TENM2: variants seen among roughly 807,000 people sequenced by gnomAD.
TENM2 encodes teneurin transmembrane protein 2.
A neutral mutation model predicts 245.2 loss-of-function variants in TENM2; 52 were observed. The ratio of observed to expected loss-of-function variants is 0.21; its 90% CI spans 0.17 to 0.27. The LOEUF (loss-of-function observed/expected upper bound fraction) is 0.27. Ranked by LOEUF, TENM2 falls within the 10% of genes least tolerant of loss-of-function variation. The pLI is 1.00. For missense variants in TENM2, 3,046 were observed against 3,666.8 expected (o/e 0.83, Z 4.37); for synonymous variants, 1,363 against 1,438.9 (o/e 0.95, Z 1.19).
the TENM2 span, among the ~76,000 whole-genome samples, chr5:167,175,774 A>G: frequency 1.3e-5 from 2 of 152,076 alleles, no homozygotes; most frequent in African/African-American, 4.8e-5. Context: ...GCTGCATGCA[A>G]TCTCGGCTCA....
chr5:167,539,918 T>G (rs1772090336), intron 2 of TENM2, among the ~76,000 whole-genome samples: 1 of 152,214 alleles, frequency 6.6e-6, no homozygotes, highest in African/African-American at 2.4e-5. Flanking sequence ...TTTTTTCATT[T>G]CACACATCAG....
At chr5:167,965,024 G>T (rs905968438) in intron 4 of TENM2, among the ~76,000 whole-genome samples, 1 of 152,138 alleles carries the variant, frequency 6.6e-6, no homozygotes. Flanking sequence ...GGTCCAGTTT[G>T]GAAAATAAAA....
At chr5:168,240,242 C>T (rs1358174043) in intron 25 of TENM2, among the ~76,000 whole-genome samples, 2 of 152,080 alleles carry the variant, frequency 1.3e-5, no homozygotes, top group Admixed American at 1.3e-4. Flanking sequence ...ATCAACAAGA[C>T]CCAAACCCCT....
chr5:167,284,796 T>C (rs1256551861), upstream of TENM2: 4 of 1,496,814 alleles, frequency 2.7e-6, 1 homozygote, highest in East Asian at 2.5e-5. Flanking sequence ...AACTCAGGCC[T>C]GACTTTTCTG....
intron 2 of TENM2, among the ~76,000 whole-genome samples, chr5:167,484,530 T>C (rs1193172308): frequency 6.6e-6 from 1 of 152,134 alleles, no homozygotes; most frequent in Non-Finnish European, 1.5e-5. Context: ...CACCTAGATT[T>C]TGGACTTCCA....
At chr5:167,809,490 C>A (rs1336349750) in intron 2 of TENM2, among the ~76,000 whole-genome samples, 1 of 152,118 alleles carries the variant, frequency 6.6e-6, no homozygotes, top group Non-Finnish European at 1.5e-5. Context: ...ATCACATGAT[C>A]TTTCTTCCCC....
chr5:167,505,690 A>G (rs1769495293), intron 2 of TENM2, among the ~76,000 whole-genome samples: 1 of 152,218 alleles, frequency 6.6e-6, no homozygotes, highest in Admixed American at 6.5e-5. Context: ...TACTAAGGGA[A>G]TATAGCAACA....
intron 2 of TENM2, among the ~76,000 whole-genome samples, chr5:167,794,569 A>G: frequency 6.6e-6 from 1 of 152,228 alleles, no homozygotes; most frequent in Non-Finnish European, 1.5e-5. Context: ...CAAGGGTCAA[A>G]TTCATGCAAT....
chr5:167,855,559 G>T (rs1486268945), intron 2 of TENM2, among the ~76,000 whole-genome samples: 1 of 151,788 alleles, frequency 6.6e-6, no homozygotes, highest in African/African-American at 2.4e-5. Context: ...AGAAGGAAAG[G>T]ACTGTTTGCT....
exon 12 of TENM2, chr5:168,126,950 G>A (rs1201886027): frequency 2.9e-5 from 46 of 1,605,934 alleles, no homozygotes; most frequent in Non-Finnish European, 3.7e-5. Context: ...GTAGGCAAAC[G>A]GCAGGCACCG....
At chr5:167,328,353 C>G (rs560646635) in intron 1 of TENM2, among the ~76,000 whole-genome samples, 3 of 151,780 alleles carry the variant, frequency 2.0e-5, no homozygotes, top group Non-Finnish European at 4.4e-5. Context: ...ACTACAGGCA[C>G]GCACCACCAT....
At chr5:168,023,361 C>G (rs982577132) in intron 5 of TENM2, among the ~76,000 whole-genome samples, 2 of 152,184 alleles carry the variant, frequency 1.3e-5, no homozygotes, top group African/African-American at 4.8e-5. Context: ...CGCGGACTAG[C>G]AAAGCCCGAG....
At chr5:167,562,682 G>T (rs1451553522) in intron 2 of TENM2, among the ~76,000 whole-genome samples, 1 of 152,122 alleles carries the variant, frequency 6.6e-6, no homozygotes, top group Non-Finnish European at 1.5e-5. Context: ...AATAGAAAAT[G>T]GTGGCAAGTC....
At chr5:168,077,051 C>T (rs1562128325) in intron 7 of TENM2, among the ~76,000 whole-genome samples, 1 of 152,204 alleles carries the variant, frequency 6.6e-6, no homozygotes, top group African/African-American at 2.4e-5. Flanking sequence ...TATGTAACCT[C>T]TCTGTGTCTC....
At chr5:167,462,176 C>G (rs888103352) in intron 2 of TENM2, among the ~76,000 whole-genome samples, 1 of 47,236 alleles carries the variant, frequency 2.1e-5, no homozygotes, top group African/African-American at 7.1e-5. Flanking sequence ...AGTTCCCTGA[C>G]CCCCACCCCC....
chr5:167,182,453 C>T, the TENM2 span, among the ~76,000 whole-genome samples: 8 of 152,032 alleles, frequency 5.3e-5, no homozygotes, highest in African/African-American at 1.9e-4. Context: ...CTATTTTCTG[C>T]TACATTATTT....
chr5:168,126,143 G>A (rs1262894559), intron 11 of TENM2, among the ~76,000 whole-genome samples: 1 of 152,202 alleles, frequency 6.6e-6, no homozygotes, highest in Non-Finnish European at 1.5e-5. Context: ...TGTAAATGCA[G>A]CACAATTACA....
chr5:167,046,012 C>G, the TENM2 span, among the ~76,000 whole-genome samples: 5 of 152,160 alleles, frequency 3.3e-5, no homozygotes, highest in African/African-American at 9.7e-5. Flanking sequence ...ACATGAGGCT[C>G]CACTATGTTT....
intron 2 of TENM2, among the ~76,000 whole-genome samples, chr5:167,841,875 C>A (rs1234397051): frequency 6.6e-6 from 1 of 152,036 alleles, no homozygotes; most frequent in Middle Eastern, 3.4e-3. Flanking sequence ...TTGATTGTTA[C>A]ATTTTTAAAA....
Sources: allele counts gnomAD v4.1 joint callset (sites outside exome capture counted in the v4.1 genomes callset), GRCh38; gene constraint gnomAD v4.1.1; transcripts MANE v1.5; gene names NCBI Gene and HGNC (gene_info 2026-07-23, HGNC 2026-07-21).